The following PDZD2 variants were observed in gnomAD, a reference collection of about 807,000 sequenced individuals.
PDZD2 encodes the protein PDZ domain containing 2.
In PDZD2, 90 loss-of-function variants were observed where a neutral mutation model predicts 220.7. That is an observed-to-expected ratio of 0.41 (90% CI 0.34 to 0.49). PDZD2 has a LOEUF of 0.49. Ranked by LOEUF, PDZD2 falls within the 20% of genes least tolerant of loss-of-function variation. The probability of loss-of-function intolerance (pLI) is 0.28; values close to 1 mark genes in which losing one functional copy is unlikely to be tolerated. For synonymous variants in PDZD2, 1,375 were observed against 1,450.5 expected (o/e 0.95, Z 1.18); for missense variants, 3,174 against 3,608.5 (o/e 0.88, Z 3.08).
At chr5:31,656,648 A>G (rs72753570) in intron 1 of PDZD2, among the ~76,000 whole-genome samples, 4,221 of 152,270 alleles carry the variant, frequency 0.028, 85 homozygotes, top group Non-Finnish European at 0.039. Flanking sequence ...TCATTTTATG[A>G]TTTTTTAAAG....
chr5:31,705,203 C>G (rs571607489), intron 1 of PDZD2, among the ~76,000 whole-genome samples: 102 of 56,264 alleles, frequency 1.8e-3, no homozygotes, highest in African/African-American at 5.1e-3. Context: ...CACACACACA[C>G]ACACACATAC....
At chr5:32,051,687 G>T (rs1738566440) in intron 8 of PDZD2, among the ~76,000 whole-genome samples, 1 of 152,128 alleles carries the variant, frequency 6.6e-6, no homozygotes, top group Admixed American at 6.5e-5. Flanking sequence ...CAAAAAAGGG[G>T]TGAGATTGGA....
rs141380491 is a variant in PDZD2 at position 31,643,062 on chromosome 5, G to A, written c.-361+3625G>A. On this transcript the variant is annotated intron_variant, in intron 1 of 24. Transcript: ENST00000438447. ...GCTCATGTATAAAATTGATGCAGTCGCTACTTCACAGGGTTGTTCTTAGGA... is the reference window on the plus strand; with the variant it reads ...GCTCATGTATAAAATTGATGCAGTCACTACTTCACAGGGTTGTTCTTAGGA... 8.0e-4 allele frequency among the ~76,000 whole-genome samples: 122 copies of A among 152,312 alleles called. 2 individuals carry two copies. Among genetic ancestry groups the A allele is most frequent in the African/African-American group, 6.3e-4 (26 of 41,570 alleles).
intron 2 of PDZD2, among the ~76,000 whole-genome samples, chr5:31,901,804 C>A (rs926996393): frequency 6.6e-6 from 1 of 152,216 alleles, no homozygotes; most frequent in Non-Finnish European, 1.5e-5. Flanking sequence ...GTCAACCACT[C>A]TTTGATTTGC....
chr5:31,703,545 T>A (rs1330433860), intron 1 of PDZD2, among the ~76,000 whole-genome samples: 1 of 152,090 alleles, frequency 6.6e-6, no homozygotes, highest in Non-Finnish European at 1.5e-5. Context: ...TAAACCTAGA[T>A]GACGGGTTGA....
intron 6 of PDZD2, among the ~76,000 whole-genome samples, chr5:32,011,025 ACAAC>A (rs1561342448): frequency 2.1e-4 from 28 of 135,456 alleles, no homozygotes; most frequent in African/African-American, 8.2e-4. Flanking sequence ...AAAAAAAACA[ACAAC>A]AACAACAACA....
At chr5:31,913,584 A>G (rs1743394922) in intron 2 of PDZD2, among the ~76,000 whole-genome samples, 2 of 152,202 alleles carry the variant, frequency 1.3e-5, no homozygotes, top group Non-Finnish European at 2.9e-5. Context: ...TCTAGAAGCC[A>G]TGAACCTACT....
intron 2 of PDZD2, among the ~76,000 whole-genome samples, chr5:31,904,033 C>T (rs936252371): frequency 7.4e-6 from 1 of 136,054 alleles, no homozygotes; most frequent in Non-Finnish European, 1.6e-5. Flanking sequence ...CACCCAGCCA[C>T]TTTTTTTTTT....
chr5:32,002,149 G>C (rs1312576040), intron 5 of PDZD2, among the ~76,000 whole-genome samples: 1 of 152,176 alleles, frequency 6.6e-6, no homozygotes, highest in Non-Finnish European at 1.5e-5. Context: ...CAAAAAATCT[G>C]CTTTCCTTTC....
At chr5:31,718,305 G>A (rs148251008) in intron 1 of PDZD2, among the ~76,000 whole-genome samples, 2 of 152,194 alleles carry the variant, frequency 1.3e-5, no homozygotes, top group African/African-American at 4.8e-5. Context: ...ACTGAGGCAA[G>A]AGGCAGATGG....
At chr5:31,721,764 A>T (rs957479762) in intron 1 of PDZD2, among the ~76,000 whole-genome samples, 8 of 151,536 alleles carry the variant, frequency 5.3e-5, no homozygotes, top group Non-Finnish European at 1.2e-4. Context: ...GAGTCTTAGC[A>T]GTGCCTTGCA....
intron 1 of PDZD2, chr5:31,725,703 T>C: frequency 1.1e-6 from 1 of 906,380 alleles, no homozygotes; most frequent in Non-Finnish European, 1.9e-6. Context: ...GAGATGCCTC[T>C]AGTTTTGGTA....
chr5:32,014,702 A>ATTTTTTTTT (rs1753603921), intron 6 of PDZD2, among the ~76,000 whole-genome samples: 1 of 94,562 alleles, frequency 1.1e-5, no homozygotes, highest in African/African-American at 6.5e-5. Flanking sequence ...TGCAATGACA[A>ATTTTTTTTT]TTTCTTTTTT....
chr5:31,689,274 T>TACATATATATACATACATATACATATAC (rs1747000276), intron 1 of PDZD2, among the ~76,000 whole-genome samples: 1 of 84,874 alleles, frequency 1.2e-5, no homozygotes, highest in African/African-American at 5.0e-5. Context: ...TATACATATA[T>TACATATATATACATACATATACATATAC]ACATATATAT....
At chr5:31,876,573 C>T (rs560808448) in intron 2 of PDZD2, among the ~76,000 whole-genome samples, 9 of 152,000 alleles carry the variant, frequency 5.9e-5, no homozygotes, top group Non-Finnish European at 1.3e-4. Context: ...ATTACAGGCG[C>T]GAGCCACCGT....
chr5:31,653,917 TG>T (rs1745446298), intron 1 of PDZD2, among the ~76,000 whole-genome samples: 1 of 152,174 alleles, frequency 6.6e-6, no homozygotes, highest in African/African-American at 2.4e-5. Flanking sequence ...CCCGAGTAGC[TG>T]GGATTACAGG....
intron 1 of PDZD2, among the ~76,000 whole-genome samples, chr5:31,766,619 T>C (rs1752028370): frequency 6.6e-6 from 1 of 152,192 alleles, no homozygotes; most frequent in Admixed American, 6.5e-5. Flanking sequence ...CTCTAACTCT[T>C]GGGCTTAAGA....
At chr5:31,749,307 GTAAA>G (rs1327728642) in intron 1 of PDZD2, among the ~76,000 whole-genome samples, 20 of 152,110 alleles carry the variant, frequency 1.3e-4, no homozygotes, top group Non-Finnish European at 2.6e-4. Context: ...GTATTGGTGA[GTAAA>G]TAAGAAAATG....
intron 6 of PDZD2, among the ~76,000 whole-genome samples, chr5:32,025,973 T>C (rs1336804866): frequency 2.0e-5 from 3 of 152,146 alleles, no homozygotes; most frequent in Non-Finnish European, 4.4e-5. Flanking sequence ...TCTGTTACAA[T>C]AATCCATGTA....
Sources: gnomAD v4.1 joint callset for allele counts (sites outside exome capture counted in the v4.1 genomes callset) on GRCh38, gnomAD v4.1.1 for gene constraint, MANE v1.5 for transcripts, NCBI Gene and HGNC (gene_info 2026-07-23, HGNC 2026-07-21) for gene names.